The following ACTN4 variants were observed in gnomAD, a reference collection of about 807,000 sequenced individuals.
ACTN4 encodes the protein alpha-actinin-4.
Under a neutral mutation model 114.2 loss-of-function variants are expected in ACTN4, and 18 were observed. The ratio of observed to expected loss-of-function variants is 0.16; its 90% CI spans 0.11 to 0.23. ACTN4 has a LOEUF of 0.23. ACTN4 is among the 10% of genes least tolerant of loss of function. The pLI is 1.00. For synonymous variants in ACTN4, 515 were observed against 506.3 expected (o/e 1.02, Z -0.23); for missense variants, 722 against 1,262.9 (o/e 0.57, Z 6.49).
chr19:38,695,416 G>A (rs1232645853), intron 1 of ACTN4, among the ~76,000 whole-genome samples: 1 of 152,160 alleles, frequency 6.6e-6, no homozygotes, highest in Non-Finnish European at 1.5e-5. Flanking sequence ...GGCAGCTCTG[G>A]TTCCTCCCAA....
rs149152357 is a variant in ACTN4, at chr19:38,730,963, A to G, written c.*1531A>G. 2.6e-6 allele frequency: 4 copies of G among 1,550,612 alleles called. No individual in the cohort carries two copies. The East Asian group carries it at 9.8e-5, about 38-fold the overall frequency. ...CCACCCTGTCCCTCCCACCTGGCTCACCTGTCTGTGGGTCAGGCAGATGAC... is the reference window on the plus strand; with the variant it reads ...CCACCCTGTCCCTCCCACCTGGCTCGCCTGTCTGTGGGTCAGGCAGATGAC... On this transcript the variant is annotated 3_prime_UTR_variant, in exon 21 of 21. Coordinates refer to ENST00000252699, the MANE Select transcript of ACTN4 (RefSeq NM_004924.6).
intron 11 of ACTN4, among the ~76,000 whole-genome samples, chr19:38,720,792 G>A (rs776345219): frequency 7.9e-5 from 12 of 152,224 alleles, no homozygotes; most frequent in Non-Finnish European, 1.5e-4. Flanking sequence ...GGGGATCTCC[G>A]CTACCACTTG....
chr19:38,665,755 A>C (rs1225692424), intron 1 of ACTN4, among the ~76,000 whole-genome samples: 2 of 152,120 alleles, frequency 1.3e-5, no homozygotes, highest in Admixed American at 6.5e-5. Context: ...TTGTGTTGGG[A>C]TGTGCCATAG....
At chr19:38,722,950 A>C (rs1432233634) in intron 12 of ACTN4, among the ~76,000 whole-genome samples, 1 of 152,192 alleles carries the variant, frequency 6.6e-6, no homozygotes, top group Non-Finnish European at 1.5e-5. Context: ...GGAATTACAG[A>C]GGCCTGTGGA....
In ACTN4 at chr19:38,708,184, A is replaced by G; in HGVS notation, c.640A>G (p.Lys214Glu). The G allele has an allele frequency of 6.2e-7, 1 of 1,614,144 alleles. No homozygotes were observed. The highest frequency in any genetic ancestry group is 8.5e-7 in the Non-Finnish European group (1 of 1,180,014). The change falls in exon 6 of 21, where the codon AAG becomes GAG. Residue 214 changes from lysine (K) to glutamate (E), a missense_variant. Lys to Glu is a moderately conservative substitution (Grantham distance 56). Coordinates refer to ENST00000252699, the MANE Select transcript of ACTN4 (RefSeq NM_004924.6). ...CAGACCAGAGCTGATTGAGTATGACAAGCTGAGGAAGGTGAGTGTCTCCAG... is the reference window on the plus strand; with the variant it reads ...CAGACCAGAGCTGATTGAGTATGACGAGCTGAGGAAGGTGAGTGTCTCCAG... The part of the protein sequence containing the change: ...RHRPELIEYD[K>E]LRKDDPVTNL...
chr19:38,730,496 A>C lies in ACTN4; in HGVS notation c.*1064A>C. On this transcript the variant is annotated 3_prime_UTR_variant, in exon 21 of 21. Coordinates refer to ENST00000252699, the MANE Select transcript of ACTN4 (RefSeq NM_004924.6). ...TTTCTGGATAAACCACCCTCTGGGG[A>C]CAGGATAATAAAACATGTAATATTT... is the stretch of plus-strand genomic sequence containing the variant. 3.5e-6 allele frequency: 1 copy of C among 289,776 alleles called. No individual in the cohort carries two copies. Among genetic ancestry groups the C allele is most frequent in the Non-Finnish European group, 6.6e-6 (1 of 152,094 alleles). 18.0% of individuals were successfully genotyped at this position (289,776 alleles called of 1,614,324 possible). A position where few individuals can be genotyped will look rare whatever the true frequency, so the allele number is the denominator to read the frequency against.
At chr19:38,670,555 A>G (rs1358163734) in intron 1 of ACTN4, among the ~76,000 whole-genome samples, 1 of 152,064 alleles carries the variant, frequency 6.6e-6, no homozygotes, top group Admixed American at 6.5e-5. Context: ...GCTCTAGCTG[A>G]TGGTGGCCAG....
rs1969434828 is a variant in ACTN4 at position 38,730,022 on chromosome 19, C to G, written c.*590C>G. ...AGTTGGCAGACCGGGCCCCCCTGAA[C>G]CGCACCCCATCCCACCAGCCCCGGC... On this transcript the variant is annotated 3_prime_UTR_variant, in exon 21 of 21. Transcript: ENST00000252699. 4.1e-6 allele frequency: 1 copy of G among 246,660 alleles called. No individual in the cohort carries two copies. Among genetic ancestry groups the G allele is most frequent in the Non-Finnish European group, 8.1e-6 (1 of 123,402 alleles). The allele number at this position is 246,660 out of a possible 1,614,324, so 15.3% of individuals were successfully genotyped here.
chr19:38,719,179 C>A (rs902932756), intron 11 of ACTN4, among the ~76,000 whole-genome samples: 1 of 152,210 alleles, frequency 6.6e-6, no homozygotes, highest in Non-Finnish European at 1.5e-5. Context: ...TCCCAGGGGT[C>A]TGGAAGCCTT....
At chr19:38,673,567 T>TTATATAAA (rs1445583777) in intron 1 of ACTN4, among the ~76,000 whole-genome samples, 29,305 of 93,524 alleles carry the variant, frequency 0.31, 6,921 homozygotes, top group Non-Finnish European at 0.42. Context: ...TTATATATAT[T>TTATATAAA]TATATATATT....
chr19:38,705,251 CA>C (rs920150766), intron 4 of ACTN4, among the ~76,000 whole-genome samples: 6 of 152,338 alleles, frequency 3.9e-5, no homozygotes, highest in South Asian at 4.1e-4. Flanking sequence ...AGCCTCATCT[CA>C]GTGGACCCTC....
chr19:38,659,065 C>CTTTTCTTT, intron 1 of ACTN4, among the ~76,000 whole-genome samples: 1 of 111,692 alleles, frequency 9.0e-6, no homozygotes, highest in African/African-American at 3.2e-5. Context: ...CTTTTCTTTT[C>CTTTTCTTT]TTTTTTTTTT....
At chr19:38,687,247 A>ACAG (rs1434612343) in intron 1 of ACTN4, among the ~76,000 whole-genome samples, 1 of 152,184 alleles carries the variant, frequency 6.6e-6, no homozygotes, top group African/African-American at 2.4e-5. Context: ...TGCTGGGATT[A>ACAG]CAGGCGTGAG....
intron 1 of ACTN4, among the ~76,000 whole-genome samples, chr19:38,691,874 A>G (rs978158930): frequency 1.3e-5 from 2 of 152,134 alleles, no homozygotes; most frequent in Non-Finnish European, 2.9e-5. Context: ...CCGCACTCCA[A>G]CCTGGCGACA....
chr19:38,654,294 G>A (rs1976649515), intron 1 of ACTN4, among the ~76,000 whole-genome samples: 1 of 152,208 alleles, frequency 6.6e-6, no homozygotes, highest in Middle Eastern at 3.2e-3. Flanking sequence ...GGGTGTGGTG[G>A]CTCACGCCTG....
chr19:38,722,662 C>T (rs545164107), intron 12 of ACTN4, among the ~76,000 whole-genome samples: 2 of 152,372 alleles, frequency 1.3e-5, no homozygotes, highest in African/African-American at 4.8e-5. Flanking sequence ...GCCACCACCA[C>T]GTCCAGGCCA....
At chr19:38,691,415 CAA>C (rs889715204) in intron 1 of ACTN4, among the ~76,000 whole-genome samples, 9 of 71,798 alleles carry the variant, frequency 1.3e-4, no homozygotes, top group African/African-American at 3.5e-4. Flanking sequence ...AAAAAAAAAA[CAA>C]AAAAAACAAA....
intron 19 of ACTN4, among the ~76,000 whole-genome samples, chr19:38,728,718 C>A (rs931688798): frequency 2.0e-5 from 3 of 152,184 alleles, no homozygotes; most frequent in Admixed American, 2.0e-4. Context: ...GGCAGTAGAC[C>A]CCAGTTCCCT....
intron 5 of ACTN4, 92 bp downstream of exon 5, chr19:38,706,223 C>A: frequency 7.4e-7 from 1 of 1,345,838 alleles, no homozygotes; most frequent in Non-Finnish European, 1.0e-6. Flanking sequence ...TTGTCGTGGT[C>A]TGTGAGATGC....
Sources: gnomAD v4.1 joint callset for allele counts (sites outside exome capture counted in the v4.1 genomes callset) on GRCh38, gnomAD v4.1.1 for gene constraint, MANE v1.5 for transcripts, NCBI Gene and HGNC (gene_info 2026-07-23, HGNC 2026-07-21) for gene names.